The following QRICH1 variants were observed in gnomAD, a reference collection of about 807,000 sequenced individuals.
QRICH1 encodes the protein glutamine rich 1, also known as transcriptional regulator QRICH1.
QRICH1 carries 16 observed loss-of-function variants against 87.1 expected under a neutral mutation model. That is an observed-to-expected ratio of 0.18 (90% CI 0.12 to 0.28). QRICH1 has a LOEUF of 0.28. Ranked by LOEUF, QRICH1 falls within the 10% of genes least tolerant of loss-of-function variation. QRICH1 has a pLI of 1.00. For synonymous variants in QRICH1, 367 were observed against 368.4 expected, an observed-to-expected ratio of 1.00 and a Z score of 0.05; for missense variants, 647 against 951.7, an observed-to-expected ratio of 0.68 and a Z score of 4.21.
chr3:49,030,667 T>C, intron 9 of QRICH1, 23 bp from the exon 10 acceptor site: 5 of 1,523,826 alleles, frequency 3.3e-6, no homozygotes, highest in African/African-American at 1.4e-5. Context: ...CGGATAAAAG[T>C]TGGGTACCAC....
chr3:49,072,593 G>T (rs1206547973), intron 2 of QRICH1, among the ~76,000 whole-genome samples: 1 of 151,990 alleles, frequency 6.6e-6, no homozygotes, highest in Non-Finnish European at 1.5e-5. Flanking sequence ...TCATTAAATG[G>T]TATTATCCTT....
chr3:49,043,170 A>T (rs1326600519), intron 6 of QRICH1, among the ~76,000 whole-genome samples: 1 of 152,120 alleles, frequency 6.6e-6, no homozygotes, highest in East Asian at 1.9e-4. Context: ...CTTACTGCTA[A>T]ATTTTTCTGG....
chr3:49,043,378 C>T (rs2093321658), intron 6 of QRICH1, among the ~76,000 whole-genome samples: 1 of 151,336 alleles, frequency 6.6e-6, no homozygotes, highest in African/African-American at 2.4e-5. Flanking sequence ...CTCCTGTAAT[C>T]CCAGCTACTT....
In QRICH1 at chr3:49,029,748, G is replaced by T. The variant is rs72639216; in HGVS notation, c.*704C>A. 1.4e-4 allele frequency: 45 copies of T among 324,582 alleles called. No homozygotes were observed. Among genetic ancestry groups the T allele is most frequent in the African/African-American group, 8.1e-4 (38 of 46,692 alleles). 20.1% of individuals were successfully genotyped at this position (324,582 alleles called of 1,614,324 possible). ...TTGTCATTCTTAATAAACAACTAGA[G>T]TAAGAATACATAAGAGAAACAGAGT... On this transcript the variant is annotated 3_prime_UTR_variant, in exon 10 of 10. Coordinates refer to ENST00000395443, the MANE Select transcript of QRICH1 (RefSeq NM_198880.3).
intron 6 of QRICH1, among the ~76,000 whole-genome samples, chr3:49,044,152 T>C (rs1483105296): frequency 6.6e-6 from 1 of 152,166 alleles, no homozygotes; most frequent in Non-Finnish European, 1.5e-5. Flanking sequence ...AAAAAAAAGA[T>C]AGTAACTACC....
At chr3:49,064,672 T>C (rs1469182681) in intron 2 of QRICH1, among the ~76,000 whole-genome samples, 1 of 152,086 alleles carries the variant, frequency 6.6e-6, no homozygotes, top group East Asian at 1.9e-4. Context: ...GAGACCATCC[T>C]GGCTAACACG....
chr3:49,057,408 C>T lies in QRICH1; in HGVS notation c.792G>A (p.Pro264=), dbSNP rs780672669. The part of the protein sequence containing the change: ...ITVSYAISGQ[P]VATVLAIPQG... The stretch of plus-strand genomic sequence containing the variant: ...GTGGAATGGCCAGCACGGTGGCCAC[C>T]GGCTGCCCTGAGATGGCGTAGGACA... The change falls in exon 3 of 10, where the codon CCG becomes CCA. Residue 264 remains proline, a synonymous_variant. Coordinates refer to ENST00000395443, the MANE Select transcript of QRICH1 (RefSeq NM_198880.3). The surrounding 1 kb of genome is among the most constrained non-coding windows in gnomAD (Gnocchi z 5.4). 8 of 1,614,006 alleles carry T rather than the reference C, an allele frequency of 5.0e-6. No individual in the cohort carries two copies. The highest frequency in any genetic ancestry group is 4.0e-5 in the African/African-American group (3 of 74,920).
At chr3:49,093,752 G>T (rs1346174587) in intron 1 of QRICH1, 160 bp downstream of exon 1, 4 of 321,264 alleles carry the variant, frequency 1.2e-5, no homozygotes, top group African/African-American at 6.5e-5. Context: ...CACAGGGCGG[G>T]GTGCGCTAGC....
At chr3:49,070,456 TAG>T (rs1397392975) in intron 2 of QRICH1, among the ~76,000 whole-genome samples, 1 of 152,156 alleles carries the variant, frequency 6.6e-6, no homozygotes, top group Non-Finnish European at 1.5e-5. Flanking sequence ...CTGTTTTTTA[TAG>T]AGACAGGGTC....
At chr3:49,065,135 C>G (rs1447137884) in intron 2 of QRICH1, among the ~76,000 whole-genome samples, 1 of 151,368 alleles carries the variant, frequency 6.6e-6, no homozygotes, top group Non-Finnish European at 1.5e-5. Flanking sequence ...TTTTTGGAAA[C>G]CTCTTTTTTT....
chr3:49,046,610 G>A (rs1324143745), intron 4 of QRICH1, 31 bp from the exon 5 acceptor site: 2 of 1,605,998 alleles, frequency 1.2e-6, no homozygotes, highest in South Asian at 1.1e-5. Context: ...ATGAATGAAG[G>A]TCCTGGGGGT....
At chr3:49,082,686 G>C (rs926815766) in intron 1 of QRICH1, among the ~76,000 whole-genome samples, 1 of 151,614 alleles carries the variant, frequency 6.6e-6, no homozygotes, top group Non-Finnish European at 1.5e-5. Flanking sequence ...ACGAGGTCGG[G>C]AGATCGAGAC....
At chr3:49,056,836 T>C (rs201140586) in intron 3 of QRICH1, 26 bp downstream of exon 3, 4 of 1,614,046 alleles carry the variant, frequency 2.5e-6, no homozygotes, top group Non-Finnish European at 3.4e-6. Context: ...CCAGGCTGCC[T>C]GCCCTACTGA....
chr3:49,084,962 G>A (rs2042140244), intron 1 of QRICH1, among the ~76,000 whole-genome samples: 1 of 151,630 alleles, frequency 6.6e-6, no homozygotes, highest in African/African-American at 2.4e-5. Flanking sequence ...CTATCACGGT[G>A]AAACCCCGTC....
intron 3 of QRICH1, among the ~76,000 whole-genome samples, chr3:49,048,774 T>G (rs2093353213): frequency 5.0e-5 from 2 of 39,816 alleles, no homozygotes. Context: ...GGTAACAGAG[T>G]GAGACTCTGT....
chr3:49,078,386 CTTTTTTTTT>C (rs60933196), intron 1 of QRICH1, among the ~76,000 whole-genome samples: 21 of 69,826 alleles, frequency 3.0e-4, no homozygotes, highest in African/African-American at 6.6e-4. Flanking sequence ...ATTATGGTTC[CTTTTTTTTT>C]TTTTTTTTTT....
At chr3:49,070,249 G>C (rs1424016189) in intron 2 of QRICH1, among the ~76,000 whole-genome samples, 2 of 151,924 alleles carry the variant, frequency 1.3e-5, no homozygotes, top group Non-Finnish European at 1.5e-5. Flanking sequence ...TGTTGGCCAG[G>C]CTGGTCTCAA....
chr3:49,088,609 C>A (rs1003966541), intron 1 of QRICH1, among the ~76,000 whole-genome samples: 2 of 143,644 alleles, frequency 1.4e-5, no homozygotes, highest in African/African-American at 2.6e-5. Flanking sequence ...CTGCACCAGG[C>A]TTTTGTCTGT....
At chr3:49,045,502 C>A (rs1292797164) in intron 5 of QRICH1, among the ~76,000 whole-genome samples, 1 of 152,196 alleles carries the variant, frequency 6.6e-6, no homozygotes, top group Non-Finnish European at 1.5e-5. Flanking sequence ...ACAATCATAG[C>A]TGAATGCAGC....
Sources: gnomAD v4.1 joint callset for allele counts (sites outside exome capture counted in the v4.1 genomes callset) on GRCh38, gnomAD v4.1.1 for gene constraint, Gnocchi (gnomAD v3.1) non-coding constraint, MANE v1.5 for transcripts, NCBI Gene and HGNC (gene_info 2026-07-23, HGNC 2026-07-21) for gene names.